Variants in FAM184A observed in about 807,000 individuals in gnomAD.
FAM184A encodes the protein protein FAM184A.
FAM184A carries 99 observed loss-of-function variants against 143.8 expected under a neutral mutation model. The ratio of observed to expected loss-of-function variants is 0.69; its 90% CI spans 0.58 to 0.81. FAM184A has a LOEUF of 0.81. FAM184A is among the 40% of genes least tolerant of loss of function. The probability of loss-of-function intolerance (pLI) is 0.00; values close to 1 mark genes in which losing one functional copy is unlikely to be tolerated. For synonymous variants in FAM184A, 427 were observed against 446.4 expected, an observed-to-expected ratio of 0.96 and a Z score of 0.55; for missense variants, 1,217 against 1,310.5, an observed-to-expected ratio of 0.93 and a Z score of 1.10.
chr6:119,043,125 T>C (rs138104678), intron 1 of FAM184A, among the ~76,000 whole-genome samples: 5 of 152,188 alleles, frequency 3.3e-5, no homozygotes, highest in Admixed American at 2.6e-4. Context: ...TGTAGAAATA[T>C]AAATGGAGCA....
intron 1 of FAM184A, among the ~76,000 whole-genome samples, chr6:119,139,453 T>G (rs1350439457): frequency 6.6e-6 from 1 of 152,120 alleles, no homozygotes; most frequent in Non-Finnish European, 1.5e-5. Context: ...TCGAGGAAGA[T>G]TTCCTACCTA....
intron 5 of FAM184A, among the ~76,000 whole-genome samples, chr6:119,015,344 T>C (rs1352420683): frequency 1.3e-5 from 2 of 152,016 alleles, no homozygotes; most frequent in Non-Finnish European, 2.9e-5. Context: ...CAAGCAGGAA[T>C]TGAGGCTGCA....
chr6:119,064,992 G>A (rs1018398843), intron 1 of FAM184A, among the ~76,000 whole-genome samples: 2 of 152,140 alleles, frequency 1.3e-5, no homozygotes, highest in African/African-American at 4.8e-5. Context: ...CTACCTAGAT[G>A]TACATGGCCA....
At chr6:119,060,738 T>G (rs1787199385) in intron 1 of FAM184A, among the ~76,000 whole-genome samples, 1 of 152,134 alleles carries the variant, frequency 6.6e-6, no homozygotes, top group Non-Finnish European at 1.5e-5. Context: ...AATAGTGAGT[T>G]AGTTCTCAGG....
rs150326044 is a variant in FAM184A, at chr6:119,098,730, G to T, written c.-202+50348C>A. On this transcript the variant is annotated intron_variant, in intron 1 of 16. Transcript: ENST00000352896. ...AGGAAGAAATTTAGAACAAAGAACC[G>T]TGGTCAGAGTTCAGTCCTCAATTCT... Among the ~76,000 whole-genome samples, 100 of 152,284 alleles carry T rather than the reference G, an allele frequency of 6.6e-4. No homozygotes were observed. The East Asian group carries it at 0.019, about 29-fold the overall frequency.
intron 1 of FAM184A, among the ~76,000 whole-genome samples, chr6:119,092,933 C>T (rs1788411081): frequency 6.6e-6 from 1 of 152,130 alleles, no homozygotes; most frequent in Admixed American, 6.5e-5. Flanking sequence ...ACATGAAGAT[C>T]TATTATCACA....
At chr6:118,984,177 ATT>A (rs1784115007) in intron 9 of FAM184A, among the ~76,000 whole-genome samples, 3 of 135,320 alleles carry the variant, frequency 2.2e-5, no homozygotes, top group Admixed American at 7.3e-5. Context: ...ATATATATAT[ATT>A]TATATATATA....
chr6:119,073,885 C>A (rs933461116), intron 1 of FAM184A, among the ~76,000 whole-genome samples: 1 of 152,138 alleles, frequency 6.6e-6, no homozygotes, highest in Non-Finnish European at 1.5e-5. Flanking sequence ...GTGGCCTCTA[C>A]GGAAGAGTGA....
chr6:119,034,566 G>GTT (rs71556823), intron 1 of FAM184A, among the ~76,000 whole-genome samples: 9 of 88,318 alleles, frequency 1.0e-4, no homozygotes, highest in Non-Finnish European at 1.9e-4. Context: ...TTAATATATA[G>GTT]TTTTTTTTTT....
intron 1 of FAM184A, among the ~76,000 whole-genome samples, chr6:119,050,675 G>T (rs1481116341): frequency 6.6e-6 from 1 of 152,046 alleles, no homozygotes; most frequent in Non-Finnish European, 1.5e-5. Context: ...GCGCGGTGGC[G>T]GGCGCTGTAG....
intron 6 of FAM184A, among the ~76,000 whole-genome samples, chr6:119,008,064 A>G (rs1185716723): frequency 1.3e-5 from 2 of 152,236 alleles, no homozygotes; most frequent in Non-Finnish European, 2.9e-5. Flanking sequence ...CTGCAAAGTT[A>G]AATGTAATAA....
At position 119,007,812 on chromosome 6, in the gene FAM184A, G is replaced by A. The variant is rs139028172; in HGVS notation, c.1654-1204C>T. On this transcript the variant is annotated intron_variant, in intron 6 of 17. Transcript: ENST00000338891. ...AAAAAGTAGCCGGGTGTGGTGGCGC[G>A]CGACTGTAATCCCAGCTACCTGAGA... 2.3e-3 allele frequency among the ~76,000 whole-genome samples: 352 copies of A among 152,000 alleles called. 1 individual carries two copies. Among genetic ancestry groups the A allele is most frequent in the African/African-American group, 8.2e-3 (338 of 41,456 alleles).
intron 1 of FAM184A, among the ~76,000 whole-genome samples, chr6:119,045,798 A>T (rs993617139): frequency 4.0e-5 from 6 of 151,676 alleles, no homozygotes; most frequent in Non-Finnish European, 7.4e-5. Flanking sequence ...AAAGCCAATT[A>T]AAAAAAATTT....
upstream of FAM184A, among the ~76,000 whole-genome samples, chr6:119,079,738 TAAC>T (rs1042036551): frequency 6.6e-6 from 1 of 152,192 alleles, no homozygotes; most frequent in African/African-American, 2.4e-5. Context: ...CTGAGAATAT[TAAC>T]AAACTAGAGA....
At chr6:119,006,111 A>G (rs764113641) in intron 7 of FAM184A, 2 of 765,224 alleles carry the variant, frequency 2.6e-6, no homozygotes, top group Admixed American at 3.4e-5. Context: ...TCCTTTTAAG[A>G]TGTGAAGATA....
upstream of FAM184A, among the ~76,000 whole-genome samples, chr6:119,079,667 G>T (rs187013384): frequency 2.2e-3 from 328 of 152,288 alleles, 1 homozygote; most frequent in Non-Finnish European, 3.6e-3. Context: ...CAGTTTTGCA[G>T]AACCAAATTC....
In FAM184A at chr6:118,961,967, C is replaced by T; in HGVS notation, c.3139-4G>A. The T allele has an allele frequency of 6.2e-7, 1 of 1,612,712 alleles. No individual in the cohort carries two copies. Among genetic ancestry groups the T allele is most frequent in the Non-Finnish European group, 8.5e-7 (1 of 1,178,922 alleles). On this transcript the variant is annotated splice_region_variant and splice_polypyrimidine_tract_variant and intron_variant, in intron 16 of 17. Transcript: ENST00000338891. ...ATTTATCATTCTTCTTCTTTTGCTG[C>T]ATTAAAAATAATACATGTGAGGATA...
At chr6:119,132,274 T>A (rs1024015300) in intron 1 of FAM184A, among the ~76,000 whole-genome samples, 4 of 152,262 alleles carry the variant, frequency 2.6e-5, no homozygotes, top group African/African-American at 7.2e-5. Context: ...AAATCAGTTT[T>A]AGTCTCTTAC....
At chr6:118,991,963 A>C (rs186980755) in intron 9 of FAM184A, among the ~76,000 whole-genome samples, 48 of 151,342 alleles carry the variant, frequency 3.2e-4, no homozygotes, top group South Asian at 1.5e-3. Context: ...ACGGGGTTTC[A>C]CCATGTTAGC....
Sources: gnomAD v4.1 joint callset for allele counts (sites outside exome capture counted in the v4.1 genomes callset) on GRCh38, gnomAD v4.1.1 for gene constraint, MANE v1.5 for transcripts, NCBI Gene and HGNC (gene_info 2026-07-23, HGNC 2026-07-21) for gene names.